The following CFAP20DC variants were observed in gnomAD, a reference collection of about 807,000 sequenced individuals.
CFAP20DC encodes CFAP20 domain containing.
In CFAP20DC, 84 loss-of-function variants were observed where a neutral mutation model predicts 101.7. The ratio of observed to expected loss-of-function variants is 0.83; its 90% confidence interval spans 0.69 to 0.99. CFAP20DC has a LOEUF of 0.99. Among genes scored for constraint, CFAP20DC ranks in the 50% least tolerant of loss-of-function variants. The pLI, the probability that CFAP20DC is intolerant of heterozygous loss-of-function variation, is 0.00. For synonymous variants in CFAP20DC, 359 were observed against 351.2 expected (o/e 1.02, Z -0.25); for missense variants, 1,007 against 970.3 (o/e 1.04, Z -0.50).
chr3:58,981,946 G>A (rs973349469), intron 4 of CFAP20DC, among the ~76,000 whole-genome samples: 97 of 152,168 alleles, frequency 6.4e-4, no homozygotes, highest in Middle Eastern at 3.4e-3. Context: ...GAAAATTTTC[G>A]CAACCTGCTC....
intron 4 of CFAP20DC, among the ~76,000 whole-genome samples, chr3:59,034,244 C>T (rs1352656755): frequency 6.6e-6 from 1 of 152,132 alleles, no homozygotes; most frequent in Non-Finnish European, 1.5e-5. Context: ...CAAAAACATA[C>T]AAAATTTTAA....
rs994519500 is a variant in CFAP20DC, at chr3:58,864,203, C to T, written c.1259-311G>A. Among the ~76,000 whole-genome samples the T allele has an allele frequency of 1.2e-4, 18 of 152,214 alleles. No homozygotes were observed. The highest frequency in any genetic ancestry group is 2.1e-4 in the Non-Finnish European group (14 of 68,020). On this transcript the variant is annotated intron_variant, in intron 11 of 16. Coordinates refer to ENST00000482387, the MANE Select transcript of CFAP20DC (RefSeq NM_001394063.1). The surrounding 1 kb of genome is among the most constrained non-coding windows in gnomAD (Gnocchi z 4.7). ...TGAACTCCTGACTTCATGATCTGCC[C>T]GCCTCGGCCTCCCAAAAAGCTGGGA...
intron 4 of CFAP20DC, among the ~76,000 whole-genome samples, chr3:58,987,042 T>C (rs988224500): frequency 6.6e-6 from 1 of 152,036 alleles, no homozygotes; most frequent in African/African-American, 2.4e-5. Context: ...GAAATTGAAA[T>C]AATTTTTTAA....
At chr3:58,718,930 A>G (rs1393338110) in intron 3 of CFAP20DC, among the ~76,000 whole-genome samples, 2 of 152,140 alleles carry the variant, frequency 1.3e-5, no homozygotes, top group African/African-American at 4.8e-5. Flanking sequence ...ATAGTAAGGA[A>G]AGCCACAATT....
rs1034655726 is a variant in CFAP20DC, at chr3:58,882,393, C to T, written c.715+2152G>A. On this transcript the variant is annotated intron_variant, in intron 7 of 16. Transcript: ENST00000482387. This position sits in a 1 kb window ranked among gnomAD's most constrained non-coding sequence, Gnocchi z 4.2. ...AAATTGAAAAAGACACTTAAAATATCGGGATATAGACTTGCACTTTCATTT... is the reference window on the plus strand; with the variant it reads ...AAATTGAAAAAGACACTTAAAATATTGGGATATAGACTTGCACTTTCATTT... Among the ~76,000 whole-genome samples, 1 of 151,992 alleles carries T rather than the reference C, an allele frequency of 6.6e-6. No homozygotes were observed. Among genetic ancestry groups the T allele is most frequent in the Non-Finnish European group, 1.5e-5 (1 of 67,978 alleles).
chr3:58,855,002 A>G (rs1353821743), intron 12 of CFAP20DC, among the ~76,000 whole-genome samples: 18 of 146,148 alleles, frequency 1.2e-4, no homozygotes, highest in Non-Finnish European at 2.4e-4. Context: ...TAATTAAACT[A>G]AAGAGCTTCT....
chr3:58,731,024 T>C (rs1177008396), intron 3 of CFAP20DC, among the ~76,000 whole-genome samples: 1 of 152,160 alleles, frequency 6.6e-6, no homozygotes, highest in African/African-American at 2.4e-5. Flanking sequence ...ATTTGTTTAT[T>C]AAATGCAACA....
intron 4 of CFAP20DC, among the ~76,000 whole-genome samples, chr3:58,980,063 T>C (rs1408903117): frequency 6.6e-6 from 1 of 152,188 alleles, no homozygotes; most frequent in African/African-American, 2.4e-5. Flanking sequence ...TTATCCACCC[T>C]ACCACTGCCA....
At chr3:58,825,279 C>G (rs1187426968) in intron 14 of CFAP20DC, among the ~76,000 whole-genome samples, 1 of 152,100 alleles carries the variant, frequency 6.6e-6, no homozygotes, top group Non-Finnish European at 1.5e-5. Flanking sequence ...AGGAGAATAA[C>G]CTTGGGGAAA....
chr3:58,753,980 A>G (rs559415385), intron 15 of CFAP20DC, 117 bp from the exon 16 acceptor site: 8 of 641,006 alleles, frequency 1.2e-5, no homozygotes, highest in Non-Finnish European at 2.1e-5. Context: ...TTCCTCCTTC[A>G]TATTTCAGAA....
At chr3:58,982,543 C>G (rs1268727344) in intron 4 of CFAP20DC, among the ~76,000 whole-genome samples, 1 of 151,868 alleles carries the variant, frequency 6.6e-6, no homozygotes, top group Non-Finnish European at 1.5e-5. Context: ...ATGAAGAGTT[C>G]ATGTCCTTTG....
intron 6 of CFAP20DC, chr3:58,887,419 TAA>T (rs2081743315): frequency 2.0e-5 from 3 of 152,162 alleles, no homozygotes; most frequent in Non-Finnish European, 4.4e-5. Flanking sequence ...AAACCTGAAA[TAA>T]AATGCTGTCT....
chr3:58,893,897 C>T (rs1201735077), intron 6 of CFAP20DC, among the ~76,000 whole-genome samples: 2 of 151,996 alleles, frequency 1.3e-5, no homozygotes, highest in East Asian at 3.9e-4. Context: ...CTCAGAGTTC[C>T]ACGTGGCTGG....
rs900767800 is a variant in CFAP20DC at position 58,859,237 on chromosome 3, T to C, written c.1593+4321A>G. On this transcript the variant is annotated intron_variant, in intron 12 of 16. Coordinates refer to ENST00000482387, the MANE Select transcript of CFAP20DC (RefSeq NM_001394063.1). The surrounding 1 kb of genome is among the most constrained non-coding windows in gnomAD (Gnocchi z 4.1). The stretch of plus-strand genomic sequence containing the variant: ...ATTACTTTCATGACATCTTTACCTA[T>C]AGCAAATGATACTTTACAGACAAAT... Among the ~76,000 whole-genome samples the C allele has an allele frequency of 5.3e-5, 8 of 152,206 alleles. No homozygotes were observed. The highest frequency in any genetic ancestry group is 1.9e-4 in the African/African-American group (8 of 41,464).
chr3:58,822,157 A>AG (rs1186633941), intron 14 of CFAP20DC, among the ~76,000 whole-genome samples: 2 of 61,842 alleles, frequency 3.2e-5, no homozygotes, highest in African/African-American at 6.7e-5. Flanking sequence ...GGGTGGGGGG[A>AG]GGGGGGAAGG....
intron 14 of CFAP20DC, among the ~76,000 whole-genome samples, chr3:58,824,215 G>C (rs939784677): frequency 2.0e-5 from 3 of 152,116 alleles, no homozygotes; most frequent in African/African-American, 2.4e-5. Flanking sequence ...TACCCAAAGA[G>C]AGCTGAGAAG....
In CFAP20DC at chr3:58,912,508, G is replaced by T; in HGVS notation, c.550+1200C>A. ...AGTGAGCCACATCAAGATTTCTCAG[G>T]CACACACCCAGATGGAGCACAAATC... On this transcript the variant is annotated intron_variant, in intron 6 of 16. Transcript: ENST00000482387. The surrounding 1 kb of genome is among the most constrained non-coding windows in gnomAD (Gnocchi z 4.4). 1 of 314,206 alleles carries T rather than the reference G, an allele frequency of 3.2e-6. No homozygotes were observed. The highest frequency in any genetic ancestry group is 2.2e-5 in the African/African-American group (1 of 45,490). 19.5% of individuals were successfully genotyped at this position (314,206 alleles called of 1,614,324 possible).
At chr3:58,718,267 G>A (rs2107037917) in intron 3 of CFAP20DC, among the ~76,000 whole-genome samples, 1 of 152,258 alleles carries the variant, frequency 6.6e-6, no homozygotes, top group Middle Eastern at 3.4e-3. Context: ...GGCTCTTCTG[G>A]TTTCAATGGT....
intron 15 of CFAP20DC, among the ~76,000 whole-genome samples, chr3:58,758,460 C>A (rs1398143848): frequency 1.3e-5 from 2 of 152,120 alleles, no homozygotes; most frequent in Non-Finnish European, 2.9e-5. Flanking sequence ...CTCCTGCTTG[C>A]TGTTCCACCA....
Sources: allele counts gnomAD v4.1 joint callset (sites outside exome capture counted in the v4.1 genomes callset), GRCh38; gene constraint gnomAD v4.1.1; non-coding constraint Gnocchi (gnomAD v3.1); transcripts MANE v1.5; gene names NCBI Gene and HGNC (gene_info 2026-07-23, HGNC 2026-07-21).